Variants in XPNPEP3 observed in about 807,000 individuals in gnomAD.
XPNPEP3 encodes xaa-Pro aminopeptidase 3.
In XPNPEP3, 41 loss-of-function variants were observed where a neutral mutation model predicts 60.0. That is an observed-to-expected ratio of 0.68 (90% confidence interval 0.53 to 0.89). The LOEUF (loss-of-function observed/expected upper bound fraction) is 0.89, where lower values mean the gene tolerates loss of function less well. XPNPEP3 is among the 40% of genes least tolerant of loss of function. The pLI is 0.00. For synonymous variants in XPNPEP3, 212 were observed against 223.2 expected, an observed-to-expected ratio of 0.95 and a Z score of 0.45; for missense variants, 598 against 638.9, an observed-to-expected ratio of 0.94 and a Z score of 0.69.
chr22:40,866,341 T>C (rs1359217128), intron 1 of XPNPEP3, among the ~76,000 whole-genome samples: 3 of 151,890 alleles, frequency 2.0e-5, no homozygotes, highest in East Asian at 1.9e-4. Flanking sequence ...ATAGAAATCA[T>C]AGGAGCGTTG....
At chr22:40,861,442 T>C (rs756348480) in intron 1 of XPNPEP3, 21 of 1,614,090 alleles carry the variant, frequency 1.3e-5, no homozygotes, top group Non-Finnish European at 1.7e-5. Context: ...GTAACAGATA[T>C]GTAGTTGTCC....
chr22:40,911,314 A>G (rs889204260), intron 6 of XPNPEP3, among the ~76,000 whole-genome samples: 4 of 152,120 alleles, frequency 2.6e-5, no homozygotes, highest in African/African-American at 7.2e-5. Context: ...AGTTTGGTCT[A>G]TATAATTTCT....
In XPNPEP3 at chr22:40,930,754, C is replaced by A. The variant is rs186064795; in HGVS notation, c.*4319C>A. 6.6e-6 allele frequency: 1 copy of A among 151,344 alleles called. No homozygotes were observed. Among genetic ancestry groups the A allele is most frequent in the Admixed American group, 6.6e-5 (1 of 15,158 alleles). The allele number at this position is 151,344 out of a possible 1,614,324, so 9.4% of individuals were successfully genotyped here. A position where few individuals can be genotyped will look rare whatever the true frequency, so the allele number is the denominator to read the frequency against. On this transcript the variant is annotated 3_prime_UTR_variant, in exon 10 of 10. Transcript: ENST00000357137. ...CCAATTTTTGTATTTTTAGTAGAGA[C>A]GGGGTTTCACCATCTTGGCCAGGCC... is the stretch of plus-strand genomic sequence containing the variant.
chr22:40,859,511 A>C (rs752752660), intron 1 of XPNPEP3: 1 of 152,180 alleles, frequency 6.6e-6, no homozygotes, highest in Non-Finnish European at 1.5e-5. Flanking sequence ...ATGATAACAG[A>C]TAAACTCTAC....
intron 2 of XPNPEP3, among the ~76,000 whole-genome samples, chr22:40,871,139 G>C (rs1486196064): frequency 6.6e-6 from 1 of 152,188 alleles, no homozygotes; most frequent in African/African-American, 2.4e-5. Flanking sequence ...AAGATGAGAG[G>C]ATCACTTGAG....
At chr22:40,881,032 T>A (rs1462399420) in intron 2 of XPNPEP3, among the ~76,000 whole-genome samples, 2 of 151,960 alleles carry the variant, frequency 1.3e-5, no homozygotes, top group African/African-American at 4.8e-5. Context: ...TACCAAAAAC[T>A]CTTGAATTAT....
chr22:40,864,204 A>G (rs1267255269), intron 1 of XPNPEP3, among the ~76,000 whole-genome samples: 1 of 152,158 alleles, frequency 6.6e-6, no homozygotes, highest in Non-Finnish European at 1.5e-5. Flanking sequence ...CCCATTTCAG[A>G]CCATATAGGG....
At chr22:40,877,890 G>A (rs1470342298) in intron 2 of XPNPEP3, among the ~76,000 whole-genome samples, 1 of 152,096 alleles carries the variant, frequency 6.6e-6, no homozygotes, top group East Asian at 1.9e-4. Flanking sequence ...TCCTTCACAT[G>A]GAAAGGTTTC....
intron 1 of XPNPEP3, 116 bp downstream of exon 1, chr22:40,857,361 C>T (rs559755464): frequency 2.3e-5 from 26 of 1,150,810 alleles, no homozygotes; most frequent in African/African-American, 1.2e-4. Context: ...CGCTCCCCAA[C>T]CCTCTGTGCT....
chr22:40,908,453 G>T (rs908228566), intron 5 of XPNPEP3, among the ~76,000 whole-genome samples: 2 of 152,038 alleles, frequency 1.3e-5, no homozygotes, highest in Non-Finnish European at 2.9e-5. Context: ...GGAAGGTTCA[G>T]GCTATAGTGA....
chr22:40,862,359 T>C (rs2057955477), intron 1 of XPNPEP3: 2 of 1,009,074 alleles, frequency 2.0e-6, no homozygotes, highest in Non-Finnish European at 2.4e-6. Flanking sequence ...CTGTTGCTAA[T>C]AGCCACAGCA....
At chr22:40,922,964 TA>T (rs1169996192) in intron 8 of XPNPEP3, among the ~76,000 whole-genome samples, 1 of 152,074 alleles carries the variant, frequency 6.6e-6, no homozygotes, top group Non-Finnish European at 1.5e-5. Context: ...TCAGAAAACT[TA>T]AAATGAAGTC....
intron 2 of XPNPEP3, among the ~76,000 whole-genome samples, chr22:40,878,626 G>C (rs539898615): frequency 7.4e-5 from 11 of 148,908 alleles, no homozygotes; most frequent in African/African-American, 2.7e-4. Flanking sequence ...TTACTCTGTC[G>C]CTCAGGCCGG....
At position 40,929,580 on chromosome 22, in the gene XPNPEP3, G is replaced by C. The variant is rs1214940175; in HGVS notation, c.*3145G>C. On this transcript the variant is annotated 3_prime_UTR_variant, in exon 10 of 10. Transcript: ENST00000357137. ...TACTTGGACATGAAACACACTTCTG[G>C]TTAGATTCCAGTCAAGTTCTATAGG... The C allele has an allele frequency of 6.6e-6, 1 of 152,146 alleles. No individual in the cohort carries two copies. The highest frequency in any genetic ancestry group is 1.5e-5 in the Non-Finnish European group (1 of 68,032). The allele number at this position is 152,146 out of a possible 1,614,324, so 9.4% of individuals were successfully genotyped here.
chr22:40,886,552 G>C (rs757462323), intron 4 of XPNPEP3, 37 bp downstream of exon 4: 1 of 1,601,594 alleles, frequency 6.2e-7, no homozygotes, highest in Admixed American at 1.7e-5. Flanking sequence ...CCAGCCGGGC[G>C]CGGTGGCTCA....
At chr22:40,908,003 C>T (rs1329096901) in intron 5 of XPNPEP3, among the ~76,000 whole-genome samples, 1 of 152,112 alleles carries the variant, frequency 6.6e-6, no homozygotes, top group Non-Finnish European at 1.5e-5. Flanking sequence ...CACTTCAGGC[C>T]AGGAGTTTGA....
intron 6 of XPNPEP3, among the ~76,000 whole-genome samples, chr22:40,911,450 G>A (rs1382027176): frequency 6.6e-6 from 1 of 151,678 alleles, no homozygotes; most frequent in African/African-American, 2.4e-5. Flanking sequence ...GTAAACACGT[G>A]TAGAACTCTT....
intron 4 of XPNPEP3, chr22:40,907,317 A>G (rs1321942574): frequency 7.2e-6 from 3 of 419,560 alleles, no homozygotes; most frequent in African/African-American, 6.2e-5. Flanking sequence ...GCTACTCGAG[A>G]GGCTGAGGCA....
Position 40,932,050 on chromosome 22 carries a change from A to T in XPNPEP3, c.*5615A>T, listed in dbSNP as rs1054719240. The T allele has an allele frequency of 1.3e-5, 2 of 152,338 alleles. No individual in the cohort carries two copies. 9.4% of individuals were successfully genotyped at this position (152,338 alleles called of 1,614,324 possible). ...AATACAGAGATCAGAAATGTGAAGC[A>T]CAAATGCTGCTTCTCCCCCTCCTGT... is the stretch of plus-strand genomic sequence containing the variant. On this transcript the variant is annotated 3_prime_UTR_variant, in exon 10 of 10. Transcript: ENST00000357137.
Sources: allele counts gnomAD v4.1 joint callset (sites outside exome capture counted in the v4.1 genomes callset), GRCh38; gene constraint gnomAD v4.1.1; transcripts MANE v1.5; gene names NCBI Gene and HGNC (gene_info 2026-07-23, HGNC 2026-07-21).